Variants in ADTRP observed in about 807,000 individuals in gnomAD.
ADTRP encodes the protein androgen-dependent TFPI-regulating protein.
ADTRP carries 20 observed loss-of-function variants against 27.0 expected under a neutral mutation model. The ratio of observed to expected loss-of-function variants is 0.74; its 90% CI spans 0.52 to 1.08. The LOEUF (loss-of-function observed/expected upper bound fraction) is 1.08, where lower values mean the gene tolerates loss of function less well. Ranked by LOEUF, ADTRP falls within the 50% of genes least tolerant of loss-of-function variation. The pLI is 0.00. For missense variants in ADTRP, 251 were observed against 275.0 expected (o/e 0.91, Z 0.62); for synonymous variants, 101 against 105.2 (o/e 0.96, Z 0.25).
At chr6:11,738,755 A>G (rs1027992217) in intron 3 of ADTRP, 7 of 152,220 alleles carry the variant, frequency 4.6e-5, no homozygotes, top group Middle Eastern at 3.2e-3. Flanking sequence ...GTGACATTCA[A>G]TTGGATTTCC....
At chr6:11,735,706 T>C (rs367712798) in intron 3 of ADTRP, 23 bp from the exon 4 acceptor site, 261 of 1,555,908 alleles carry the variant, frequency 1.7e-4, no homozygotes, top group Non-Finnish European at 2.2e-4. Flanking sequence ...AAATGGCAAA[T>C]CAGAATGGCA....
At chr6:11,769,801 T>C (rs565782123) in intron 1 of ADTRP, among the ~76,000 whole-genome samples, 21 of 152,142 alleles carry the variant, frequency 1.4e-4, no homozygotes, top group African/African-American at 4.8e-4. Context: ...AGATTTTAAA[T>C]GTAGAAAAAG....
rs142735309 is a variant in ADTRP at position 11,729,980 on chromosome 6, G to A, written c.506+5588C>T. 2.0e-4 allele frequency among the ~76,000 whole-genome samples: 31 copies of A among 152,226 alleles called. 1 individual carries two copies. Among genetic ancestry groups the A allele is most frequent in the African/African-American group, 7.2e-4 (30 of 41,524 alleles). ...ACCTATTCTGTTGTTTCAACAATGT[G>A]TCTCAGGCATGTCTCTCATTTCTGA... On this transcript the variant is annotated intron_variant, in intron 4 of 5. Transcript: ENST00000414691.
chr6:11,752,120 C>A (rs573203087), intron 3 of ADTRP, among the ~76,000 whole-genome samples: 1 of 152,198 alleles, frequency 6.6e-6, no homozygotes, highest in South Asian at 2.1e-4. Context: ...CAATGTTTAT[C>A]CCTTCAAATA....
At chr6:11,748,581 T>C (rs900405993) in intron 3 of ADTRP, among the ~76,000 whole-genome samples, 53 of 152,286 alleles carry the variant, frequency 3.5e-4, no homozygotes, top group African/African-American at 1.2e-3. Context: ...GGGAAACAGA[T>C]ACCAATCACA....
chr6:11,723,279 T>C, intron 5 of ADTRP, 70 bp downstream of exon 5: 1 of 1,556,992 alleles, frequency 6.4e-7, no homozygotes, highest in Non-Finnish European at 8.7e-7. Flanking sequence ...TTTTTCTTTC[T>C]GTTTCCAGGT....
rs11966875 is a variant in ADTRP at position 11,726,232 on chromosome 6, G to A, written c.507-2732C>T. On this transcript the variant is annotated intron_variant, in intron 4 of 5. Coordinates refer to ENST00000414691, the MANE Select transcript of ADTRP (RefSeq NM_032744.4). ...AGAATGGTGCTTGCCATGTGGTTGCGGGAGGAGGCAGCGGGGAATGCTATC... is the reference window on the plus strand; with the variant it reads ...AGAATGGTGCTTGCCATGTGGTTGCAGGAGGAGGCAGCGGGGAATGCTATC... Among the ~76,000 whole-genome samples the A allele has an allele frequency of 2.2e-3, 341 of 152,268 alleles. 3 individuals are homozygous for A. The highest frequency in any genetic ancestry group is 7.9e-3 in the African/African-American group (327 of 41,562).
intron 1 of ADTRP, among the ~76,000 whole-genome samples, chr6:11,772,050 G>GAGA: frequency 6.6e-6 from 1 of 152,162 alleles, no homozygotes; most frequent in Non-Finnish European, 1.5e-5. Context: ...GTCTTCTTTT[G>GAGA]AGACTCTTAC....
chr6:11,743,612 G>A (rs565803516), intron 3 of ADTRP, among the ~76,000 whole-genome samples: 2 of 152,280 alleles, frequency 1.3e-5, no homozygotes, highest in South Asian at 4.1e-4. Flanking sequence ...ACACTCGTAC[G>A]TTCGCCTAAT....
chr6:11,739,066 C>T (rs1420116283), intron 3 of ADTRP, among the ~76,000 whole-genome samples: 1 of 151,720 alleles, frequency 6.6e-6, no homozygotes, highest in East Asian at 1.9e-4. Flanking sequence ...AGAACAAATT[C>T]AGTAAGAGAA....
chr6:11,720,946 C>A (rs189481362), intron 5 of ADTRP, among the ~76,000 whole-genome samples: 9 of 152,256 alleles, frequency 5.9e-5, no homozygotes, highest in African/African-American at 2.2e-4. Context: ...ATTGTCTGCA[C>A]TGATTGAGGC....
intron 4 of ADTRP, among the ~76,000 whole-genome samples, chr6:11,729,638 G>T (rs1762322080): frequency 6.6e-6 from 1 of 152,096 alleles, no homozygotes; most frequent in South Asian, 2.1e-4. Flanking sequence ...AGACTGCAGG[G>T]TCTGAATTTC....
intron 4 of ADTRP, among the ~76,000 whole-genome samples, chr6:11,734,687 C>T (rs1341687186): frequency 1.3e-5 from 2 of 151,354 alleles, no homozygotes; most frequent in African/African-American, 4.9e-5. Context: ...ACTGCTAGAG[C>T]CCATGTTCTT....
intron 1 of ADTRP, chr6:11,770,181 G>A: frequency 8.4e-7 from 1 of 1,184,034 alleles, no homozygotes; most frequent in African/African-American, 1.5e-5. Flanking sequence ...ATCTCCAGGT[G>A]GGAGAATGAA....
chr6:11,771,859 C>T (rs1005165818), intron 1 of ADTRP, among the ~76,000 whole-genome samples: 4 of 152,116 alleles, frequency 2.6e-5, no homozygotes, highest in East Asian at 1.9e-4. Context: ...AGGGAGAAGG[C>T]GGCCATCTGC....
intron 3 of ADTRP, among the ~76,000 whole-genome samples, chr6:11,748,933 G>A (rs1762953388): frequency 6.6e-6 from 1 of 152,340 alleles, no homozygotes; most frequent in Non-Finnish European, 1.5e-5. Context: ...ATAGGAAGGA[G>A]TTCAGGTTTA....
At chr6:11,750,534 C>G (rs1763011990) in intron 3 of ADTRP, among the ~76,000 whole-genome samples, 1 of 152,204 alleles carries the variant, frequency 6.6e-6, no homozygotes, top group South Asian at 2.1e-4. Flanking sequence ...GAAAGGCAGG[C>G]AATTTGAACA....
intron 1 of ADTRP, among the ~76,000 whole-genome samples, chr6:11,778,058 C>G (rs987693761): frequency 1.3e-5 from 2 of 152,086 alleles, no homozygotes; most frequent in Non-Finnish European, 2.9e-5. Flanking sequence ...GTGTATTTGC[C>G]ATTCGGTTGG....
chr6:11,715,117 G>A (rs1372736983), intron 5 of ADTRP, among the ~76,000 whole-genome samples: 1 of 152,176 alleles, frequency 6.6e-6, no homozygotes, highest in Non-Finnish European at 1.5e-5. Context: ...CTTTGTGTAA[G>A]CTCTGCAATT....
Sources: allele counts gnomAD v4.1 joint callset (sites outside exome capture counted in the v4.1 genomes callset), GRCh38; gene constraint gnomAD v4.1.1; transcripts MANE v1.5; gene names NCBI Gene and HGNC (gene_info 2026-07-23, HGNC 2026-07-21).